Variants in CTNNA3 observed in about 807,000 individuals in gnomAD.
CTNNA3 encodes catenin alpha 3, also known as catenin alpha-3.
CTNNA3 carries 76 observed loss-of-function variants against 95.7 expected under a neutral mutation model. The observed-to-expected ratio is 0.79, with a 90% CI of 0.66 to 0.96. CTNNA3 has a LOEUF of 0.96. CTNNA3 is among the 40% of genes least tolerant of loss of function. The pLI is 0.00. For synonymous variants in CTNNA3, 431 were observed against 374.4 expected (o/e 1.15, Z -1.74); for missense variants, 1,191 against 1,089.8 (o/e 1.09, Z -1.31).
At chr10:67,662,152 C>T (rs916644739) in intron 1 of CTNNA3, among the ~76,000 whole-genome samples, 4 of 152,020 alleles carry the variant, frequency 2.6e-5, no homozygotes, top group Non-Finnish European at 4.4e-5. Context: ...GTTCCAAGAC[C>T]CCCAGTGGAT....
At chr10:65,984,429 A>C (rs1380574887) in intron 16 of CTNNA3, among the ~76,000 whole-genome samples, 1 of 151,388 alleles carries the variant, frequency 6.6e-6, no homozygotes, top group African/African-American at 2.4e-5. Flanking sequence ...TTCAGAACAA[A>C]AGTAATTCAT....
intron 5 of CTNNA3, among the ~76,000 whole-genome samples, chr10:67,419,992 T>C (rs1845691198): frequency 6.6e-6 from 1 of 152,104 alleles, no homozygotes. Context: ...GCTGGGACTA[T>C]AGGTGCCCAC....
At chr10:67,122,359 A>C (rs1859514163) in intron 7 of CTNNA3, among the ~76,000 whole-genome samples, 1 of 152,140 alleles carries the variant, frequency 6.6e-6, no homozygotes, top group Admixed American at 6.6e-5. Context: ...ATAGAATAAA[A>C]GTAAAAATAA....
At chr10:67,030,184 T>G (rs965514121) in intron 7 of CTNNA3, among the ~76,000 whole-genome samples, 20 of 152,212 alleles carry the variant, frequency 1.3e-4, no homozygotes, top group African/African-American at 4.3e-4. Context: ...ACAAGGGAAG[T>G]CAGACATTCA....
chr10:67,416,188 A>G (rs1221977292), intron 5 of CTNNA3, among the ~76,000 whole-genome samples: 2 of 152,190 alleles, frequency 1.3e-5, no homozygotes, highest in Non-Finnish European at 2.9e-5. Context: ...AAAAAAAACT[A>G]TGAACAGAGC....
At chr10:66,524,602 C>T (rs1345228010) in intron 10 of CTNNA3, among the ~76,000 whole-genome samples, 3 of 152,098 alleles carry the variant, frequency 2.0e-5, no homozygotes, top group Non-Finnish European at 2.9e-5. Context: ...CATTAGTTAG[C>T]AGTCAAGATC....
intron 9 of CTNNA3, among the ~76,000 whole-genome samples, chr10:66,674,342 T>C (rs1007435162): frequency 4.6e-5 from 7 of 151,998 alleles, no homozygotes; most frequent in African/African-American, 1.7e-4. Flanking sequence ...CATCTTCTTT[T>C]CAGTTTCTAA....
At chr10:67,519,275 C>T (rs1186145696) in intron 5 of CTNNA3, among the ~76,000 whole-genome samples, 2 of 151,950 alleles carry the variant, frequency 1.3e-5, no homozygotes, top group African/African-American at 4.8e-5. Context: ...TAGAAGGGGA[C>T]AGAAAATAAA....
rs1358043168 is a variant in CTNNA3 at position 67,080,476 on chromosome 10, T to A, written c.1047+99841A>T. 5.3e-5 allele frequency among the ~76,000 whole-genome samples: 8 copies of A among 152,196 alleles called. No individual in the cohort carries two copies. The East Asian group carries it at 1.5e-3, about 29-fold the overall frequency. On this transcript the variant is annotated intron_variant, in intron 7 of 17. Coordinates refer to ENST00000433211, the MANE Select transcript of CTNNA3 (RefSeq NM_013266.4). ...AGAATGTTAGGTCCCAGCATCGCAA[T>A]ACATCTACTGACATGAGATTTTTTT...
At chr10:66,211,835 G>C (rs765276342) in intron 13 of CTNNA3, among the ~76,000 whole-genome samples, 5 of 152,092 alleles carry the variant, frequency 3.3e-5, no homozygotes, top group Non-Finnish European at 5.9e-5. Context: ...CAACAGGCAA[G>C]TTTTTCTTCA....
At chr10:67,468,106 T>G (rs547491393) in intron 5 of CTNNA3, among the ~76,000 whole-genome samples, 4 of 152,192 alleles carry the variant, frequency 2.6e-5, no homozygotes, top group Non-Finnish European at 5.9e-5. Flanking sequence ...TGGGAGTTTG[T>G]TGTACAGATT....
intron 7 of CTNNA3, among the ~76,000 whole-genome samples, chr10:67,080,777 C>T (rs1589710572): frequency 6.6e-6 from 1 of 151,844 alleles, no homozygotes; most frequent in Non-Finnish European, 1.5e-5. Flanking sequence ...GGCGTGGTGG[C>T]GGGCGCCTGT....
intron 5 of CTNNA3, among the ~76,000 whole-genome samples, chr10:67,262,208 A>G (rs758264878): frequency 6.6e-6 from 1 of 152,200 alleles, no homozygotes; most frequent in Non-Finnish European, 1.5e-5. Context: ...GATGAATACT[A>G]TATTGGCATT....
chr10:67,358,561 A>C (rs529393976), intron 5 of CTNNA3, among the ~76,000 whole-genome samples: 1 of 152,226 alleles, frequency 6.6e-6, no homozygotes, highest in African/African-American at 2.4e-5. Flanking sequence ...AAGGCCCTAA[A>C]GAAGGGGTGA....
rs77767288 is a variant in CTNNA3 at position 66,934,020 on chromosome 10, G to A, written c.1048-158496C>T. ...TAACTTCATAGGGTCATGAATGGAC[G>A]CTCTTGAGTTAGGGATCCTGAACAC... On this transcript the variant is annotated intron_variant, in intron 7 of 17. Transcript: ENST00000433211. Among the ~76,000 whole-genome samples, 279 of 152,112 alleles carry A rather than the reference G, an allele frequency of 1.8e-3. 1 individual carries two copies. The highest frequency in any genetic ancestry group is 2.1e-3 in the Non-Finnish European group (141 of 67,976).
At chr10:65,957,541 C>G (rs1226389991) in intron 17 of CTNNA3, among the ~76,000 whole-genome samples, 1 of 152,132 alleles carries the variant, frequency 6.6e-6, no homozygotes, top group Admixed American at 6.5e-5. Flanking sequence ...TTGTTCCTTT[C>G]CATGTTTAGT....
At chr10:67,047,479 G>A (rs10762131) in intron 7 of CTNNA3, among the ~76,000 whole-genome samples, 2 of 151,950 alleles carry the variant, frequency 1.3e-5, no homozygotes, top group Non-Finnish European at 2.9e-5. Flanking sequence ...GAGTGTTACT[G>A]CATTATATTT....
chr10:67,673,360 C>G (rs1235471203), intron 1 of CTNNA3, among the ~76,000 whole-genome samples: 2 of 148,258 alleles, frequency 1.3e-5, no homozygotes, highest in Non-Finnish European at 3.0e-5. Context: ...ATTTCCTTCT[C>G]CTGCCTAATT....
At chr10:66,730,567 G>A (rs1159316642) in intron 9 of CTNNA3, among the ~76,000 whole-genome samples, 1 of 152,126 alleles carries the variant, frequency 6.6e-6, no homozygotes, top group Non-Finnish European at 1.5e-5. Flanking sequence ...GTTTATCTAT[G>A]TAACAAACCT....
Sources: gnomAD v4.1 joint callset for allele counts (sites outside exome capture counted in the v4.1 genomes callset) on GRCh38, gnomAD v4.1.1 for gene constraint, MANE v1.5 for transcripts, NCBI Gene and HGNC (gene_info 2026-07-23, HGNC 2026-07-21) for gene names.